The following IYD variants were observed in gnomAD, a reference collection of about 807,000 sequenced individuals.
The protein encoded by IYD is iodotyrosine deiodinase 1.
In IYD, 25 loss-of-function variants were observed where a neutral mutation model predicts 28.4. The ratio of observed to expected loss-of-function variants is 0.88; its 90% CI spans 0.64 to 1.23. The LOEUF is 1.23. IYD is among the 50% of genes most tolerant of loss of function. IYD has a pLI of 0.00. For missense variants in IYD, 352 were observed against 357.9 expected, an observed-to-expected ratio of 0.98 and a Z score of 0.13; for synonymous variants, 140 against 130.8, an observed-to-expected ratio of 1.07 and a Z score of -0.48.
At chr6:150,388,944 C>T (rs986505523) in intron 1 of IYD, among the ~76,000 whole-genome samples, 12 of 152,090 alleles carry the variant, frequency 7.9e-5, no homozygotes, top group South Asian at 2.1e-4. Flanking sequence ...TCAAGTGATC[C>T]GCCTGCCTTG....
intron 1 of IYD, among the ~76,000 whole-genome samples, chr6:150,374,194 G>C (rs1777364988): frequency 6.6e-6 from 1 of 152,188 alleles, no homozygotes; most frequent in Non-Finnish European, 1.5e-5. Flanking sequence ...TAACAGAAAA[G>C]TATACATGTT....
chr6:150,374,588 A>C (rs1777378613), intron 1 of IYD, among the ~76,000 whole-genome samples: 1 of 152,172 alleles, frequency 6.6e-6, no homozygotes, highest in African/African-American at 2.4e-5. Context: ...TTATAAAACC[A>C]TCAGCTCTCC....
intron 1 of IYD, among the ~76,000 whole-genome samples, chr6:150,387,339 T>C (rs147913924): frequency 6.6e-6 from 1 of 150,556 alleles, no homozygotes; most frequent in Non-Finnish European, 1.5e-5. Context: ...AGCTGGAGGA[T>C]CCCTTGAGGC....
intron 4 of IYD, chr6:150,395,378 T>C (rs2115059223): frequency 6.5e-7 from 1 of 1,531,684 alleles, no homozygotes; most frequent in Non-Finnish European, 8.8e-7. Context: ...AATGTAGTCA[T>C]TGAAATGTGT....
At chr6:150,395,510 AG>A in intron 4 of IYD, 1 of 1,537,324 alleles carries the variant, frequency 6.5e-7, no homozygotes, top group South Asian at 1.2e-5. Flanking sequence ...CACCTGATTG[AG>A]GGTCCTGGAA....
chr6:150,369,025 C>A lies in IYD; in HGVS notation c.-7C>A, dbSNP rs1175236108. 6.2e-7 allele frequency: 1 copy of A among 1,613,750 alleles called. No homozygotes were observed. Among genetic ancestry groups the A allele is most frequent in the Non-Finnish European group, 8.5e-7 (1 of 1,179,924 alleles). Reference sequence around the variant, plus strand: ...GTGTGCACGCCTGTGACGTCAGACTCCAGACCATGTATTTCCTGACTCCCA... The same window carrying A: ...GTGTGCACGCCTGTGACGTCAGACTACAGACCATGTATTTCCTGACTCCCA... On this transcript the variant is annotated 5_prime_UTR_variant, in exon 1 of 5. Coordinates refer to ENST00000344419, the MANE Select transcript of IYD (RefSeq NM_203395.3).
intron 1 of IYD, among the ~76,000 whole-genome samples, chr6:150,388,940 G>T (rs1778004785): frequency 1.3e-5 from 2 of 152,054 alleles, no homozygotes; most frequent in Admixed American, 6.5e-5. Context: ...AACCTCAAGT[G>T]ATCCGCCTGC....
chr6:150,381,593 A>G (rs1777649555), intron 1 of IYD, among the ~76,000 whole-genome samples: 2 of 152,324 alleles, frequency 1.3e-5, no homozygotes, highest in African/African-American at 4.8e-5. Flanking sequence ...TTTCATAAAC[A>G]CCCATATGTC....
intron 1 of IYD, among the ~76,000 whole-genome samples, chr6:150,373,806 T>C (rs1433451095): frequency 3.3e-5 from 5 of 152,208 alleles, no homozygotes; most frequent in South Asian, 2.1e-4. Context: ...TGTCTTTTAC[T>C]ATGGGAAGCA....
In IYD at chr6:150,369,045, C is replaced by G; in HGVS notation, c.14C>G (p.Thr5Ser). Residue 5 changes from threonine to serine, a missense_variant, in exon 1 of 5, where the codon ACT becomes AGT. By Grantham distance (58) the Thr-to-Ser change is moderately conservative. Transcript: ENST00000344419. ...AGACTCCAGACCATGTATTTCCTGA[C>G]TCCCATCTTGGTAGCCATTCTCTGC... MYFL[T>S]PILVAILCIL... 6.2e-7 allele frequency: 1 copy of G among 1,614,018 alleles called. No homozygotes were observed.
At position 150,405,806 on chromosome 6, in the gene IYD, A is replaced by G. The variant is rs757585880; in HGVS notation, c.*7569A>G. The G allele has an allele frequency of 3.3e-5, 5 of 152,208 alleles. No individual in the cohort carries two copies. The highest frequency in any genetic ancestry group is 7.3e-5 in the Non-Finnish European group (5 of 68,050). 9.4% of individuals were successfully genotyped at this position (152,208 alleles called of 1,614,324 possible). A position where few individuals can be genotyped will look rare whatever the true frequency, so the allele number is the denominator to read the frequency against. ...GAAGACATAGCCAAACCATATCATCATCTTAAATTTCTGTGATTCTTTTAT... is the reference window on the plus strand; with the variant it reads ...GAAGACATAGCCAAACCATATCATCGTCTTAAATTTCTGTGATTCTTTTAT... On this transcript the variant is annotated 3_prime_UTR_variant, in exon 5 of 5. Transcript: ENST00000344419.
chr6:150,388,942 T>A (rs1284481029), intron 1 of IYD, among the ~76,000 whole-genome samples: 1 of 152,186 alleles, frequency 6.6e-6, no homozygotes, highest in African/African-American at 2.4e-5. Flanking sequence ...CCTCAAGTGA[T>A]CCGCCTGCCT....
intron 4 of IYD, chr6:150,396,873 CA>C (rs59328359): frequency 0.066 from 7,289 of 109,780 alleles, 485 homozygotes; most frequent in African/African-American, 0.19. Context: ...GACTCCGTCT[CA>C]AAAAAAAAAA....
intron 1 of IYD, 30 bp from the exon 2 acceptor site, chr6:150,389,321 AG>A: frequency 6.4e-7 from 1 of 1,567,382 alleles, no homozygotes; most frequent in Non-Finnish European, 8.8e-7. Flanking sequence ...GGGATCATTT[AG>A]TTTGTTACCT....
chr6:150,371,544 C>T (rs980946106), intron 1 of IYD, among the ~76,000 whole-genome samples: 4 of 152,138 alleles, frequency 2.6e-5, no homozygotes, highest in African/African-American at 9.7e-5. Context: ...AGGGTCAGGT[C>T]CTGGGGCTGG....
At chr6:150,371,353 A>G (rs1777234366) in intron 1 of IYD, among the ~76,000 whole-genome samples, 2 of 152,226 alleles carry the variant, frequency 1.3e-5, no homozygotes, top group African/African-American at 4.8e-5. Flanking sequence ...ATAGGACCCA[A>G]GCCAGCTGTT....
chr6:150,398,047 T>G lies in IYD; in HGVS notation c.688-8T>G. The stretch of plus-strand genomic sequence containing the variant: ...ACTTTAAAATGCTTTCTTGTCCTCT[T>G]ATTTTAGAATGCAGGTCTGGTGACT... On this transcript the variant is annotated splice_region_variant and splice_polypyrimidine_tract_variant and intron_variant, in intron 4 of 4. Coordinates refer to ENST00000344419, the MANE Select transcript of IYD (RefSeq NM_203395.3). 1 of 1,614,052 alleles carries G rather than the reference T, an allele frequency of 6.2e-7. No homozygotes were observed. Among genetic ancestry groups the G allele is most frequent in the South Asian group, 1.1e-5 (1 of 91,078 alleles).
At chr6:150,383,449 C>T (rs944717491) in intron 1 of IYD, among the ~76,000 whole-genome samples, 3 of 152,070 alleles carry the variant, frequency 2.0e-5, no homozygotes, top group African/African-American at 4.8e-5. Context: ...AGATTTTGAC[C>T]GTCATTTCCT....
rs1366336517 is a variant in IYD, at chr6:150,402,819, A to G, written c.*4582A>G. The G allele has an allele frequency of 6.6e-6, 1 of 152,204 alleles. No homozygotes were observed. The highest frequency in any genetic ancestry group is 2.4e-5 in the African/African-American group (1 of 41,436). The allele number at this position is 152,204 out of a possible 1,614,324, so 9.4% of individuals were successfully genotyped here. ...GCTCCTCCCTATGAAAGGAAGAGTGACTTCTCTGCTGCATGATATTGGGGG... is the reference window on the plus strand; with the variant it reads ...GCTCCTCCCTATGAAAGGAAGAGTGGCTTCTCTGCTGCATGATATTGGGGG... On this transcript the variant is annotated 3_prime_UTR_variant, in exon 5 of 5. Coordinates refer to ENST00000344419, the MANE Select transcript of IYD (RefSeq NM_203395.3).
Sources: gnomAD v4.1 joint callset for allele counts (sites outside exome capture counted in the v4.1 genomes callset) on GRCh38, gnomAD v4.1.1 for gene constraint, MANE v1.5 for transcripts, NCBI Gene and HGNC (gene_info 2026-07-23, HGNC 2026-07-21) for gene names.